The following TGFBR2 variants were observed in gnomAD, a reference collection of about 807,000 sequenced individuals.
TGFBR2 encodes the protein transforming growth factor beta receptor 2, also known as TGF-beta receptor type-2.
Under a neutral mutation model 49.0 loss-of-function variants are expected in TGFBR2, and 18 were observed. The observed-to-expected ratio is 0.37, with a 90% CI of 0.25 to 0.54. The LOEUF (loss-of-function observed/expected upper bound fraction) is 0.54, where lower values mean the gene tolerates loss of function less well. Among genes scored for constraint, TGFBR2 ranks in the 20% least tolerant of loss-of-function variants. The pLI, the probability that TGFBR2 is intolerant of heterozygous loss-of-function variation, is 0.85. For missense variants in TGFBR2, 525 were observed against 722.6 expected (o/e 0.73, Z 3.13); for synonymous variants, 282 against 275.9 (o/e 1.02, Z -0.22).
intron 3 of TGFBR2, among the ~76,000 whole-genome samples, chr3:30,667,362 C>G (rs1027706641): frequency 1.3e-5 from 2 of 152,204 alleles, no homozygotes; most frequent in Non-Finnish European, 2.9e-5. Flanking sequence ...AGGGTTAATA[C>G]TGCCAGAGGG....
chr3:30,646,921 G>A (rs1006371223), intron 2 of TGFBR2, among the ~76,000 whole-genome samples: 4 of 152,188 alleles, frequency 2.6e-5, no homozygotes, highest in Non-Finnish European at 5.9e-5. Flanking sequence ...TGAGCATGTC[G>A]AAGAGAGGAG....
intron 5 of TGFBR2, among the ~76,000 whole-genome samples, chr3:30,686,470 TA>T (rs1244960703): frequency 2.0e-5 from 3 of 151,922 alleles, no homozygotes; most frequent in Non-Finnish European, 1.5e-5. Context: ...TTTAAAACTA[TA>T]AAAAAGAAAA....
intron 5 of TGFBR2, among the ~76,000 whole-genome samples, chr3:30,687,997 T>C (rs1699652950): frequency 6.6e-6 from 1 of 152,226 alleles, no homozygotes; most frequent in Non-Finnish European, 1.5e-5. Flanking sequence ...CTTTGGAGGC[T>C]CACAAACCAT....
intron 5 of TGFBR2, among the ~76,000 whole-genome samples, chr3:30,685,914 G>A (rs1699612311): frequency 6.6e-6 from 1 of 152,140 alleles, no homozygotes; most frequent in Non-Finnish European, 1.5e-5. Context: ...CTTATCTAAG[G>A]AACAATTTAT....
intron 1 of TGFBR2, among the ~76,000 whole-genome samples, chr3:30,627,248 G>T: frequency 6.6e-6 from 1 of 152,172 alleles, no homozygotes; most frequent in South Asian, 2.1e-4. Context: ...ATTAATTTTG[G>T]AAAATGCCTT....
chr3:30,628,180 G>T (rs1225845143), intron 1 of TGFBR2, among the ~76,000 whole-genome samples: 1 of 147,792 alleles, frequency 6.8e-6, no homozygotes, highest in Admixed American at 6.8e-5. Flanking sequence ...AAATAGTACT[G>T]CCTTGTGGGA....
Position 30,693,504 on chromosome 3 carries a change from CTGTT to C in TGFBR2, c.*1908_*1911del, listed in dbSNP as rs1325117086. The C allele has an allele frequency of 8.6e-6, 2 of 233,482 alleles. No homozygotes were observed. Among genetic ancestry groups the C allele is most frequent in the Non-Finnish European group, 1.7e-5 (2 of 117,874 alleles). 14.5% of individuals were successfully genotyped at this position (233,482 alleles called of 1,614,324 possible). A position where few individuals can be genotyped will look rare whatever the true frequency, so the allele number is the denominator to read the frequency against. ...GGGACTGGTAGTGAGAATATCAGCT[CTGTT>C]TGGATGGTGGAAGGTCTCATTTTAT... On this transcript the variant is annotated 3_prime_UTR_variant, in exon 7 of 7. Transcript: ENST00000295754.
intron 1 of TGFBR2, among the ~76,000 whole-genome samples, chr3:30,641,876 C>T (rs1341327256): frequency 1.3e-5 from 2 of 151,912 alleles, no homozygotes; most frequent in African/African-American, 4.8e-5. Context: ...CTTTCTCTCT[C>T]CTCCCCCTCC....
intron 6 of TGFBR2, among the ~76,000 whole-genome samples, chr3:30,690,941 A>T (rs2125454530): frequency 6.6e-6 from 1 of 152,350 alleles, no homozygotes; most frequent in African/African-American, 2.4e-5. Flanking sequence ...TACCTCATAG[A>T]TGCATGCATG....
At chr3:30,653,205 C>G (rs1698926788) in intron 3 of TGFBR2, among the ~76,000 whole-genome samples, 1 of 151,552 alleles carries the variant, frequency 6.6e-6, no homozygotes, top group Non-Finnish European at 1.5e-5. Context: ...TATTCCATTT[C>G]TCCCCTTATT....
At chr3:30,640,323 A>G (rs550517616) in intron 1 of TGFBR2, among the ~76,000 whole-genome samples, 1 of 152,300 alleles carries the variant, frequency 6.6e-6, no homozygotes, top group South Asian at 2.1e-4. Context: ...GAATTTGCCT[A>G]TTAGGGGTAG....
At chr3:30,612,426 A>G (rs1327642462) in intron 1 of TGFBR2, among the ~76,000 whole-genome samples, 3 of 151,962 alleles carry the variant, frequency 2.0e-5, no homozygotes, top group Admixed American at 6.6e-5. Flanking sequence ...AGAGGGGTGA[A>G]TGGATATCAG....
intron 1 of TGFBR2, chr3:30,623,110 T>C (rs1442429992): frequency 2.7e-6 from 2 of 743,486 alleles, no homozygotes; most frequent in Non-Finnish European, 2.4e-6. Flanking sequence ...AATAGAAAGC[T>C]TCATTATTTT....
At chr3:30,647,873 T>G (rs990452023) in intron 2 of TGFBR2, among the ~76,000 whole-genome samples, 12 of 151,914 alleles carry the variant, frequency 7.9e-5, no homozygotes, top group African/African-American at 2.9e-4. Context: ...GAGATGGGGT[T>G]TCACTGTGTT....
chr3:30,648,780 C>G (rs1190626929), intron 2 of TGFBR2, among the ~76,000 whole-genome samples: 1 of 152,158 alleles, frequency 6.6e-6, no homozygotes, highest in Non-Finnish European at 1.5e-5. Context: ...GGAGTCAACT[C>G]TGGGCTGCAT....
At chr3:30,670,230 G>GT (rs1443884566) in intron 3 of TGFBR2, among the ~76,000 whole-genome samples, 6 of 152,160 alleles carry the variant, frequency 3.9e-5, no homozygotes, top group Non-Finnish European at 8.8e-5. Context: ...CTTAAAGGCA[G>GT]TTTTTTGCTA....
At position 30,660,124 on chromosome 3, in the gene TGFBR2, T is replaced by C. The variant is rs189531844; in HGVS notation, c.454+9664T>C. ...TTAACTTTTAGAGAAATAATTTATA[T>C]TTGCTTATCTACTTTTAAAAATATA... On this transcript the variant is annotated intron_variant, in intron 3 of 6. Transcript: ENST00000295754. 1.3e-3 allele frequency among the ~76,000 whole-genome samples: 200 copies of C among 152,330 alleles called. 1 individual carries two copies. The highest frequency in any genetic ancestry group is 4.5e-3 in the African/African-American group (185 of 41,572).
intron 2 of TGFBR2, among the ~76,000 whole-genome samples, chr3:30,647,157 A>C (rs1698756954): frequency 6.6e-6 from 1 of 152,190 alleles, no homozygotes; most frequent in Non-Finnish European, 1.5e-5. Flanking sequence ...CCTTCCCTCC[A>C]GTGATGGGAG....
At chr3:30,620,215 A>G (rs1194429584) in intron 1 of TGFBR2, among the ~76,000 whole-genome samples, 1 of 152,084 alleles carries the variant, frequency 6.6e-6, no homozygotes, top group Non-Finnish European at 1.5e-5. Flanking sequence ...CAAAACTCTT[A>G]CTAGAATGAA....
Sources: allele counts gnomAD v4.1 joint callset (sites outside exome capture counted in the v4.1 genomes callset), GRCh38; gene constraint gnomAD v4.1.1; transcripts MANE v1.5; gene names NCBI Gene and HGNC (gene_info 2026-07-23, HGNC 2026-07-21).